ACVR2A: variants seen among roughly 807,000 people sequenced by gnomAD.
ACVR2A encodes the protein activin A receptor type 2A, also known as activin receptor type-2A.
A neutral mutation model predicts 61.4 loss-of-function variants in ACVR2A; 7 were observed. That is an observed-to-expected ratio of 0.11 (90% CI 0.06 to 0.21). The LOEUF (loss-of-function observed/expected upper bound fraction) is 0.21. ACVR2A is among the 10% of genes least tolerant of loss of function. The pLI is 1.00. For missense variants in ACVR2A, 322 were observed against 621.7 expected (o/e 0.52, Z 5.13); for synonymous variants, 193 against 208.3 (o/e 0.93, Z 0.63).
At chr2:147,875,278 A>G (rs986014481) in intron 1 of ACVR2A, among the ~76,000 whole-genome samples, 2 of 151,950 alleles carry the variant, frequency 1.3e-5, no homozygotes, top group Non-Finnish European at 2.9e-5. Context: ...CTCTCAATTA[A>G]TGATAAAACC....
intron 1 of ACVR2A, among the ~76,000 whole-genome samples, chr2:147,875,343 A>G (rs919023295): frequency 6.6e-6 from 1 of 152,022 alleles, no homozygotes. Context: ...GATAAAATAC[A>G]ATCTCCCATT....
intron 1 of ACVR2A, among the ~76,000 whole-genome samples, chr2:147,869,308 G>A (rs1685952247): frequency 6.6e-6 from 1 of 152,160 alleles, no homozygotes; most frequent in African/African-American, 2.4e-5. Context: ...TTGTAAAAGT[G>A]TTGAAATTGA....
At chr2:147,874,240 G>C (rs1686098328) in intron 1 of ACVR2A, among the ~76,000 whole-genome samples, 1 of 151,846 alleles carries the variant, frequency 6.6e-6, no homozygotes, top group Admixed American at 6.6e-5. Flanking sequence ...TTCTTTGCAA[G>C]TTACAATTAT....
chr2:147,871,603 A>G (rs1686020171), intron 1 of ACVR2A, among the ~76,000 whole-genome samples: 1 of 152,140 alleles, frequency 6.6e-6, no homozygotes, highest in Non-Finnish European at 1.5e-5. Flanking sequence ...TGTTTGCTGT[A>G]TGTTCTAGCA....
Position 147,929,241 on chromosome 2 carries a change from A to G in ACVR2A, c.*1967A>G, listed in dbSNP as rs1573721324. 6.6e-6 allele frequency: 1 copy of G among 151,962 alleles called. No individual in the cohort carries two copies. The highest frequency in any genetic ancestry group is 1.5e-5 in the Non-Finnish European group (1 of 67,942). 9.4% of individuals were successfully genotyped at this position (151,962 alleles called of 1,614,324 possible). On this transcript the variant is annotated 3_prime_UTR_variant, in exon 11 of 11. Transcript: ENST00000241416. ...ATTTCACAAAGTACTTGGTCTCTCA[A>G]TTTCTTGATCTGGTTTTGCTTCCAT...
intron 1 of ACVR2A, among the ~76,000 whole-genome samples, chr2:147,884,950 A>G (rs568756335): frequency 1.1e-3 from 166 of 152,194 alleles, no homozygotes; most frequent in Middle Eastern, 3.4e-3. Flanking sequence ...CTGTAGTCCA[A>G]TGAGGGCAGT....
chr2:147,904,998 TTC>T (rs1450093192), intron 4 of ACVR2A, among the ~76,000 whole-genome samples: 2 of 152,086 alleles, frequency 1.3e-5, no homozygotes, highest in Non-Finnish European at 2.9e-5. Context: ...CTTCTGCTTT[TTC>T]TCTCTTCATT....
rs528919939 is a variant in ACVR2A at position 147,850,488 on chromosome 2, A to C, written c.55+5281A>C. On this transcript the variant is annotated intron_variant, in intron 1 of 10. Transcript: ENST00000241416. ...GTTTTCCTTAACTCTTTGCTGCTTCAGAAAAAGTTTCGCTCATCTTATTAT... is the reference window on the plus strand; with the variant it reads ...GTTTTCCTTAACTCTTTGCTGCTTCCGAAAAAGTTTCGCTCATCTTATTAT... 1.9e-4 allele frequency among the ~76,000 whole-genome samples: 29 copies of C among 152,216 alleles called. 1 individual carries two copies. In the East Asian group the frequency reaches 5.6e-3, roughly 29 times the overall value.
At chr2:147,881,802 T>C (rs551740360) in intron 1 of ACVR2A, among the ~76,000 whole-genome samples, 1 of 152,204 alleles carries the variant, frequency 6.6e-6, no homozygotes, top group East Asian at 1.9e-4. Context: ...AGATGCTAAC[T>C]AACCTGCATT....
chr2:147,914,708 T>C (rs1028067023), intron 4 of ACVR2A, among the ~76,000 whole-genome samples: 2 of 152,006 alleles, frequency 1.3e-5, no homozygotes, highest in Admixed American at 6.6e-5. Flanking sequence ...ACTGCCGGTA[T>C]CTCTGAGATT....
intron 5 of ACVR2A, among the ~76,000 whole-genome samples, chr2:147,915,980 C>T (rs1687240198): frequency 2.0e-5 from 3 of 151,810 alleles, no homozygotes; most frequent in Admixed American, 6.6e-5. Flanking sequence ...CTTATATACC[C>T]TGGCAGCTCA....
intron 8 of ACVR2A, among the ~76,000 whole-genome samples, chr2:147,921,794 T>A (rs919925996): frequency 1.3e-5 from 2 of 152,142 alleles, no homozygotes; most frequent in African/African-American, 4.8e-5. Flanking sequence ...AGAAAAAAAA[T>A]TTCTGACTCA....
chr2:147,910,282 T>G (rs1481569179), intron 4 of ACVR2A, among the ~76,000 whole-genome samples: 1 of 152,144 alleles, frequency 6.6e-6, no homozygotes, highest in Admixed American at 6.6e-5. Flanking sequence ...ACTTGCACAG[T>G]GCTAGTATAG....
At chr2:147,913,115 T>C (rs573684824) in intron 4 of ACVR2A, among the ~76,000 whole-genome samples, 2 of 152,004 alleles carry the variant, frequency 1.3e-5, no homozygotes, top group East Asian at 3.9e-4. Context: ...AATGTAGATA[T>C]TAAAAATTAT....
At position 147,858,285 on chromosome 2, in the gene ACVR2A, T is replaced by C. The variant is rs1685637930; in HGVS notation, c.55+13078T>C. Among the ~76,000 whole-genome samples, 6 of 152,154 alleles carry C rather than the reference T, an allele frequency of 3.9e-5. No individual in the cohort carries two copies. In the South Asian group the frequency reaches 1.2e-3, roughly 32 times the overall value. On this transcript the variant is annotated intron_variant, in intron 1 of 10. Transcript: ENST00000241416. ...ATTTTTTTCAAGGAGTAGAGAGTAA[T>C]AGGAAGGATTGAAGGGAACTATACC...
intron 10 of ACVR2A, 89 bp downstream of exon 10, chr2:147,926,250 G>A (rs908193066): frequency 3.2e-5 from 47 of 1,484,884 alleles, no homozygotes; most frequent in Admixed American, 4.0e-5. Flanking sequence ...TCTTTCTTCT[G>A]CAAGTATTTT....
chr2:147,903,831 G>A (rs1289416171), intron 4 of ACVR2A, among the ~76,000 whole-genome samples: 1 of 151,934 alleles, frequency 6.6e-6, no homozygotes, highest in Admixed American at 6.6e-5. Context: ...TCTTGAAGAT[G>A]AGATATGTAT....
chr2:147,884,856 A>C (rs1458500004), intron 1 of ACVR2A, among the ~76,000 whole-genome samples: 1 of 152,014 alleles, frequency 6.6e-6, no homozygotes, highest in Admixed American at 6.6e-5. Flanking sequence ...TTGTTTTCTG[A>C]TTAATCTTTA....
At chr2:147,873,172 G>C (rs2194695) in intron 1 of ACVR2A, among the ~76,000 whole-genome samples, 58,810 of 151,704 alleles carry the variant, frequency 0.39, 11,877 homozygotes, top group South Asian at 0.5. Context: ...GTTATAATGA[G>C]GTCATTGGGA....
Sources: gnomAD v4.1 joint callset for allele counts (sites outside exome capture counted in the v4.1 genomes callset) on GRCh38, gnomAD v4.1.1 for gene constraint, MANE v1.5 for transcripts, NCBI Gene and HGNC (gene_info 2026-07-23, HGNC 2026-07-21) for gene names.